TBC1D14: variants seen among roughly 807,000 people sequenced by gnomAD.
TBC1D14 encodes the protein TBC1 domain family member 14.
Under a neutral mutation model 79.0 loss-of-function variants are expected in TBC1D14, and 26 were observed. The observed-to-expected ratio is 0.33, with a 90% CI of 0.24 to 0.46. The LOEUF (loss-of-function observed/expected upper bound fraction) is 0.46, where lower values mean the gene tolerates loss of function less well. Among genes scored for constraint, TBC1D14 ranks in the 20% least tolerant of loss-of-function variants. The pLI is 1.00. For missense variants in TBC1D14, 769 were observed against 887.6 expected (o/e 0.87, Z 1.70); for synonymous variants, 394 against 349.9 (o/e 1.13, Z -1.40).
chr4:6,980,005 G>C (rs1717222108), intron 3 of TBC1D14, among the ~76,000 whole-genome samples: 1 of 152,148 alleles, frequency 6.6e-6, no homozygotes, highest in South Asian at 2.1e-4. Flanking sequence ...TAGAACTGTA[G>C]ACAGAATCAG....
intron 12 of TBC1D14, among the ~76,000 whole-genome samples, chr4:7,020,010 T>C (rs1721667322): frequency 8.5e-6 from 1 of 117,698 alleles, no homozygotes; most frequent in South Asian, 3.2e-4. Flanking sequence ...GAGGTGGGTA[T>C]GTGAACCCCG....
At chr4:6,923,251 A>T (rs1724007707) in intron 1 of TBC1D14, 122 bp from the exon 2 acceptor site, 3 of 1,130,796 alleles carry the variant, frequency 2.7e-6, no homozygotes, top group Non-Finnish European at 2.5e-6. Flanking sequence ...AAACTTGGGT[A>T]TGTGGAACCT....
At chr4:6,991,470 G>T (rs1330725092) in intron 3 of TBC1D14, among the ~76,000 whole-genome samples, 2 of 152,194 alleles carry the variant, frequency 1.3e-5, no homozygotes, top group Non-Finnish European at 2.9e-5. Context: ...AGCAGCCCTT[G>T]TTGGTCTGTG....
chr4:6,919,380 A>C (rs547511581), intron 1 of TBC1D14, among the ~76,000 whole-genome samples: 3 of 151,944 alleles, frequency 2.0e-5, no homozygotes, highest in Admixed American at 2.0e-4. Context: ...TCCTGACCTC[A>C]GGTGATCCGC....
intron 12 of TBC1D14, among the ~76,000 whole-genome samples, chr4:7,021,718 T>C (rs1404853556): frequency 6.6e-6 from 1 of 152,236 alleles, no homozygotes; most frequent in Non-Finnish European, 1.5e-5. Flanking sequence ...AAAAATACCA[T>C]TTTTGATCTA....
chr4:7,003,352 C>T (rs1347896377), intron 7 of TBC1D14, among the ~76,000 whole-genome samples: 1 of 152,216 alleles, frequency 6.6e-6, no homozygotes, highest in Non-Finnish European at 1.5e-5. Flanking sequence ...TTTCATCCAC[C>T]TCCTGCCAAA....
rs774098788 is a variant in TBC1D14, at chr4:6,994,318, C to T, written c.962+16C>T. On this transcript the variant is annotated intron_variant, in intron 4 of 13. Transcript: ENST00000409757. ...ACAGACCAGCGTGAGTTTAAGAAGA[C>T]TCTCTTTAGAGTGTTTGCTTTAGGA... The T allele has an allele frequency of 6.2e-7, 1 of 1,606,420 alleles. No homozygotes were observed. The highest frequency in any genetic ancestry group is 1.7e-5 in the Admixed American group (1 of 60,010).
At chr4:6,978,286 T>G (rs1717005860) in intron 3 of TBC1D14, among the ~76,000 whole-genome samples, 5 of 151,170 alleles carry the variant, frequency 3.3e-5, no homozygotes, top group Admixed American at 2.6e-4. Flanking sequence ...ATGGCGGTTT[T>G]GTGGAATAGA....
chr4:7,016,010 A>G (rs1178291008), intron 12 of TBC1D14, among the ~76,000 whole-genome samples: 4 of 152,230 alleles, frequency 2.6e-5, no homozygotes, highest in African/African-American at 7.2e-5. Flanking sequence ...TTTCTTCATC[A>G]GGGAAAAGGC....
chr4:7,013,939 C>T (rs913954308), intron 11 of TBC1D14, among the ~76,000 whole-genome samples: 10 of 152,160 alleles, frequency 6.6e-5, no homozygotes, highest in African/African-American at 1.7e-4. Flanking sequence ...TTAATAGAGA[C>T]GGAGTTTCAC....
intron 2 of TBC1D14, among the ~76,000 whole-genome samples, chr4:6,964,152 A>T (rs1715493422): frequency 3.0e-4 from 1 of 3,304 alleles, no homozygotes; most frequent in Non-Finnish European, 5.9e-4. Flanking sequence ...CAGACTAATA[A>T]TAGTGTTAGC....
At chr4:7,011,853 C>T (rs1222759897) in intron 11 of TBC1D14, among the ~76,000 whole-genome samples, 8 of 151,900 alleles carry the variant, frequency 5.3e-5, no homozygotes, top group South Asian at 2.1e-4. Flanking sequence ...CCACTGTGCC[C>T]GGCCATCACT....
chr4:6,975,821 G>C (rs1305727345), intron 3 of TBC1D14, among the ~76,000 whole-genome samples: 1 of 152,128 alleles, frequency 6.6e-6, no homozygotes, highest in African/African-American at 2.4e-5. Context: ...GGCTGGGAGT[G>C]GTGGCTCACA....
chr4:6,944,135 A>C (rs1426639190), intron 2 of TBC1D14, among the ~76,000 whole-genome samples: 1 of 151,934 alleles, frequency 6.6e-6, no homozygotes, highest in Non-Finnish European at 1.5e-5. Context: ...GCGTCGTTCT[A>C]TTTTTGTCCT....
intron 2 of TBC1D14, among the ~76,000 whole-genome samples, chr4:6,953,394 G>A (rs80246016): frequency 7.2e-6 from 1 of 138,144 alleles, no homozygotes; most frequent in Non-Finnish European, 1.6e-5. Context: ...GGCCGAGGCG[G>A]GCGGATCACG....
intron 2 of TBC1D14, among the ~76,000 whole-genome samples, chr4:6,951,818 T>G (rs796383354): frequency 6.6e-6 from 1 of 152,288 alleles, no homozygotes; most frequent in Non-Finnish European, 1.5e-5. Context: ...GACCTGGAGT[T>G]TTCTTTGTGA....
Position 7,010,698 on chromosome 4 carries a change from G to A in TBC1D14, c.1564G>A (p.Asp522Asn). The change falls in exon 11 of 14, where the codon GAT becomes AAT. Residue 522 changes from aspartate to asparagine, a missense_variant. By Grantham distance (23) the Asp-to-Asn change is conservative. Coordinates refer to ENST00000409757, the MANE Select transcript of TBC1D14 (RefSeq NM_020773.3). The part of the protein sequence containing the change: ...FIAAVLILNL[D>N]TADAFIAFSN... ...AGCAGCAGTGTTGATCTTGAACTTA[G>A]ATACTGCAGATGCCTTTATTGCCTT... 1 of 1,614,128 alleles carries A rather than the reference G, an allele frequency of 6.2e-7. No individual in the cohort carries two copies. Among genetic ancestry groups the A allele is most frequent in the Non-Finnish European group, 8.5e-7 (1 of 1,179,996 alleles).
chr4:6,925,684 C>T (rs1014352354), intron 2 of TBC1D14, among the ~76,000 whole-genome samples: 2 of 152,150 alleles, frequency 1.3e-5, no homozygotes, highest in African/African-American at 4.8e-5. Flanking sequence ...AGTAACTCAG[C>T]GATTGCCCTC....
chr4:7,014,683 A>G, intron 12 of TBC1D14, 126 bp downstream of exon 12: 1 of 664,602 alleles, frequency 1.5e-6, no homozygotes, highest in South Asian at 1.7e-5. Flanking sequence ...GCCTTCCCTG[A>G]TGGCCCTGCC....
Sources: allele counts gnomAD v4.1 joint callset (sites outside exome capture counted in the v4.1 genomes callset), GRCh38; gene constraint gnomAD v4.1.1; transcripts MANE v1.5; gene names NCBI Gene and HGNC (gene_info 2026-07-23, HGNC 2026-07-21).